Variants in CABLES2 observed in about 807,000 individuals in gnomAD.
CABLES2 encodes Cdk5 and Abl enzyme substrate 2, also known as CDK5 and ABL1 enzyme substrate 2.
CABLES2 carries 35 observed loss-of-function variants against 44.8 expected under a neutral mutation model. That is an observed-to-expected ratio of 0.78 (90% CI 0.60 to 1.04). The LOEUF is 1.04. Among genes scored for constraint, CABLES2 ranks in the 50% least tolerant of loss-of-function variants. The pLI, the probability that CABLES2 is intolerant of heterozygous loss-of-function variation, is 0.00. For synonymous variants in CABLES2, 282 were observed against 281.1 expected (o/e 1.00, Z -0.03); for missense variants, 566 against 615.7 (o/e 0.92, Z 0.85).
At position 62,390,894 on chromosome 20, in the gene CABLES2, A is replaced by C. The variant is rs556671748; in HGVS notation, c.*77T>G. 89 of 1,561,616 alleles carry C rather than the reference A, an allele frequency of 5.7e-5. No individual in the cohort carries two copies. Among genetic ancestry groups the C allele is most frequent in the East Asian group, 1.4e-4 (6 of 44,062 alleles). ...AGGTGCTGGGGGTGCTGGCAGGAGGAGGCGCGGGGCTTCAGTGGGACACCT... is the reference window on the plus strand; with the variant it reads ...AGGTGCTGGGGGTGCTGGCAGGAGGCGGCGCGGGGCTTCAGTGGGACACCT... On this transcript the variant is annotated 3_prime_UTR_variant, in exon 10 of 10. Coordinates refer to ENST00000279101, the MANE Select transcript of CABLES2 (RefSeq NM_031215.3).
intron 6 of CABLES2, 109 bp downstream of exon 6, chr20:62,393,331 G>C (rs1174476600): frequency 9.3e-6 from 11 of 1,182,014 alleles, no homozygotes; most frequent in Non-Finnish European, 2.4e-6. Context: ...CCATCTGCAC[G>C]GAGGGCTACA....
In CABLES2 at chr20:62,396,722, G is replaced by A; in HGVS notation, c.363-130C>T. ...GCCCAGCGGCGCACCCATGGGCCGAGGGGCTTCCAGAGCCCATGCAGACTG... is the reference window on the plus strand; with the variant it reads ...GCCCAGCGGCGCACCCATGGGCCGAAGGGCTTCCAGAGCCCATGCAGACTG... On this transcript the variant is annotated intron_variant, in intron 1 of 9. Coordinates refer to ENST00000279101, the MANE Select transcript of CABLES2 (RefSeq NM_031215.3). This position sits in a 1 kb window ranked among gnomAD's most constrained non-coding sequence, Gnocchi z 5.7. 2 of 910,786 alleles carry A rather than the reference G, an allele frequency of 2.2e-6. No individual in the cohort carries two copies. Among genetic ancestry groups the A allele is most frequent in the South Asian group, 1.5e-5 (1 of 65,722 alleles). 56.4% of individuals were successfully genotyped at this position (910,786 alleles called of 1,614,324 possible).
chr20:62,394,936 C>T lies in CABLES2; in HGVS notation c.605+1G>A, dbSNP rs763631148. 6.8e-6 allele frequency: 11 copies of T among 1,612,594 alleles called. No homozygotes were observed. The highest frequency in any genetic ancestry group is 5.1e-6 in the Non-Finnish European group (6 of 1,179,794). On this transcript the variant is annotated splice_donor_variant, in intron 4 of 9. Transcript: ENST00000279101. LOFTEE classifies it high-confidence loss of function. The stretch of plus-strand genomic sequence containing the variant: ...ATGCGAGGCAAGCGCTGAGTACTCA[C>T]CTGATCCGCAGGCCTTCCCCATAGG...
chr20:62,398,088 A>ATG (rs1569017555), intron 1 of CABLES2, among the ~76,000 whole-genome samples: 1 of 52,160 alleles, frequency 1.9e-5, no homozygotes, highest in Non-Finnish European at 4.0e-5. Context: ...GGTGGTGGTG[A>ATG]CGGTGGTGGT....
chr20:62,398,187 A>ACGGTGGTGGTGATGGTGATGGTGG lies in CABLES2; in HGVS notation c.363-1596_363-1595insCCACCATCACCATCACCACCACCG, dbSNP rs759461396. Among the ~76,000 whole-genome samples, 142 of 92,768 alleles carry ACGGTGGTGGTGATGGTGATGGTGG rather than the reference A, an allele frequency of 1.5e-3. 7 individuals carry two copies. Among genetic ancestry groups the ACGGTGGTGGTGATGGTGATGGTGG allele is most frequent in the African/African-American group, 6.3e-3 (127 of 20,108 alleles). 60.9% of individuals were successfully genotyped at this position (92,768 alleles called of 152,430 possible). ...GATGGTGGTAATGGTGGTGGTGGTG[A>ACGGTGGTGGTGATGGTGATGGTGG]TGGTGATGATGGTGGTGATGGTGAT... On this transcript the variant is annotated intron_variant, in intron 1 of 9. Coordinates refer to ENST00000279101, the MANE Select transcript of CABLES2 (RefSeq NM_031215.3).
chr20:62,398,181 G>GTGGTGA, intron 1 of CABLES2, among the ~76,000 whole-genome samples: 1 of 56,014 alleles, frequency 1.8e-5, no homozygotes, highest in East Asian at 2.5e-4. Context: ...AATGGTGGTG[G>GTGGTGA]TGGTGATGGT....
intron 1 of CABLES2, 70 bp downstream of exon 1, chr20:62,406,845 G>T: frequency 1.1e-6 from 1 of 908,776 alleles, no homozygotes; most frequent in Non-Finnish European, 1.4e-6. Context: ...CCTAGTCCTG[G>T]GCTGATCCGG....
rs765023192 is a variant in CABLES2, at chr20:62,391,052, C to T, written c.1356G>A (p.Val452=). 6.2e-7 allele frequency: 1 copy of T among 1,614,156 alleles called. No individual in the cohort carries two copies. Among genetic ancestry groups the T allele is most frequent in the African/African-American group, 1.3e-5 (1 of 75,056 alleles). Residue 452 remains valine, a synonymous_variant, in exon 10 of 10, where the codon GTG becomes GTA. Coordinates refer to ENST00000279101, the MANE Select transcript of CABLES2 (RefSeq NM_031215.3). The surrounding 1 kb of genome is among the most constrained non-coding windows in gnomAD (Gnocchi z 5.7). ...RRDLIGFEFT[V]LVALELALYL... ...ACAGGGCCAGCTCCAAGGCCACGAGCACTGTGAACTCAAACCCTATCAGGT... is the reference window on the plus strand; with the variant it reads ...ACAGGGCCAGCTCCAAGGCCACGAGTACTGTGAACTCAAACCCTATCAGGT...
At chr20:62,398,091 G>GTAA (rs1988086881) in intron 1 of CABLES2, among the ~76,000 whole-genome samples, 1 of 132,040 alleles carries the variant, frequency 7.6e-6, no homozygotes, top group East Asian at 2.4e-4. Context: ...GGTGGTGACG[G>GTAA]TGGTGGTGGT....
At chr20:62,398,052 ATGGCGATGGTGG>A (rs1988076360) in intron 1 of CABLES2, among the ~76,000 whole-genome samples, 3 of 54,348 alleles carry the variant, frequency 5.5e-5, no homozygotes, top group South Asian at 1.2e-3. Flanking sequence ...GATGGTGGTG[ATGGCGATGGTGG>A]TGGTGACGGT....
At position 62,397,237 on chromosome 20, in the gene CABLES2, C is replaced by T. The variant is rs556808993; in HGVS notation, c.363-645G>A. Among the ~76,000 whole-genome samples the T allele has an allele frequency of 6.6e-5, 10 of 152,248 alleles. No individual in the cohort carries two copies. The South Asian group carries it at 1.5e-3, about 22-fold the overall frequency. On this transcript the variant is annotated intron_variant, in intron 1 of 9. Coordinates refer to ENST00000279101, the MANE Select transcript of CABLES2 (RefSeq NM_031215.3). ...AGGTGGCCCGCTGAGGGAGGCTGCCCGGATCCTGCTATTCTGTGACTTGCT... is the reference window on the plus strand; with the variant it reads ...AGGTGGCCCGCTGAGGGAGGCTGCCTGGATCCTGCTATTCTGTGACTTGCT...
At chr20:62,395,185 C>T (rs1008953154) in intron 3 of CABLES2, among the ~76,000 whole-genome samples, 171 bp from the exon 4 acceptor site, 4 of 152,246 alleles carry the variant, frequency 2.6e-5, no homozygotes, top group Non-Finnish European at 4.4e-5. Flanking sequence ...GGGTGGCCAC[C>T]GTCACTAAGC....
Position 62,391,505 on chromosome 20 carries a change from G to A in CABLES2, c.1092-52C>T. 1 of 1,575,232 alleles carries A rather than the reference G, an allele frequency of 6.3e-7. No homozygotes were observed. Among genetic ancestry groups the A allele is most frequent in the South Asian group, 1.1e-5 (1 of 90,134 alleles). On this transcript the variant is annotated intron_variant, in intron 8 of 9. Coordinates refer to ENST00000279101, the MANE Select transcript of CABLES2 (RefSeq NM_031215.3). This position sits in a 1 kb window ranked among gnomAD's most constrained non-coding sequence, Gnocchi z 5.7. ...CCTGGGGGCTCTGGCTGGGGCTGAGGAGGCAGCCCCCTGCCACCACCAACC... is the reference window on the plus strand; with the variant it reads ...CCTGGGGGCTCTGGCTGGGGCTGAGAAGGCAGCCCCCTGCCACCACCAACC...
intron 1 of CABLES2, among the ~76,000 whole-genome samples, chr20:62,399,395 C>T (rs1281010019): frequency 5.9e-5 from 9 of 151,272 alleles, no homozygotes; most frequent in South Asian, 2.1e-4. Flanking sequence ...TACAGGCGCC[C>T]GCCACCACGC....
intron 5 of CABLES2, 130 bp from the exon 6 acceptor site, chr20:62,393,735 T>C: frequency 1.0e-6 from 1 of 991,474 alleles, no homozygotes; most frequent in Non-Finnish European, 1.5e-6. Context: ...ACAACTCAGA[T>C]CAAGCCGTTG....
At chr20:62,393,306 C>G (rs1987954135) in intron 6 of CABLES2, 134 bp downstream of exon 6, 1 of 1,042,148 alleles carries the variant, frequency 9.6e-7, no homozygotes, top group Admixed American at 2.3e-5. Context: ...CTCTCCTGAC[C>G]CTGTTCCCCA....
Position 62,394,983 on chromosome 20 carries a change from A to G in CABLES2, c.559T>C (p.Cys187Arg), listed in dbSNP as rs746103333. Reference protein sequence around the residue: ...IVLICAKRSLCAAFSVLPYGE... With the variant: ...IVLICAKRSLRAAFSVLPYGE... The stretch of plus-strand genomic sequence containing the variant: ...TAGGGCAGGACCGAGAAGGCCGCGC[A>G]CAGGGACCGCTTGGCACAGATGAGC... The change falls in exon 4 of 10, where the codon TGC becomes CGC. Residue 187 changes from cysteine (C) to arginine (R), a missense_variant. By Grantham distance (180) the Cys-to-Arg change is radical (BLOSUM62 -3). Around this residue, in one of 2 missense-constraint regions of CABLES2, gnomAD observed 436 missense variants for 536.3 expected, o/e 0.81. Transcript: ENST00000279101. 5.6e-6 allele frequency: 9 copies of G among 1,612,850 alleles called. No individual in the cohort carries two copies. The highest frequency in any genetic ancestry group is 5.9e-6 in the Non-Finnish European group (7 of 1,179,966).
chr20:62,391,565 A>C lies in CABLES2; in HGVS notation c.1092-112T>G, dbSNP rs1987919896. 9 of 1,044,926 alleles carry C rather than the reference A, an allele frequency of 8.6e-6. No homozygotes were observed. The highest frequency in any genetic ancestry group is 2.8e-5 in the South Asian group (2 of 71,536). The allele number at this position is 1,044,926 out of a possible 1,614,324, so 64.7% of individuals were successfully genotyped here. ...GCGATGTAGCTTTGGGCCGCAAGAA[A>C]CACCACCGCATCCTTCAGGGGATGG... is the stretch of plus-strand genomic sequence containing the variant. On this transcript the variant is annotated intron_variant, in intron 8 of 9. Coordinates refer to ENST00000279101, the MANE Select transcript of CABLES2 (RefSeq NM_031215.3). This position sits in a 1 kb window ranked among gnomAD's most constrained non-coding sequence, Gnocchi z 5.7.
At chr20:62,401,005 C>G (rs1202826499) in intron 1 of CABLES2, among the ~76,000 whole-genome samples, 2 of 152,138 alleles carry the variant, frequency 1.3e-5, no homozygotes, top group Non-Finnish European at 2.9e-5. Flanking sequence ...TAAATTGAGG[C>G]AAGGAGCTGT....
Sources: gnomAD v4.1 joint callset for allele counts (sites outside exome capture counted in the v4.1 genomes callset) on GRCh38, gnomAD v4.1.1 for gene constraint, gnomAD v4.1.1 regional missense constraint, Gnocchi (gnomAD v3.1) non-coding constraint, MANE v1.5 for transcripts, NCBI Gene and HGNC (gene_info 2026-07-23, HGNC 2026-07-21) for gene names.